Variants in ASRGL1 observed in about 807,000 individuals in gnomAD.
ASRGL1 encodes the protein isoaspartyl peptidase/L-asparaginase.
In ASRGL1, 16 loss-of-function variants were observed where a neutral mutation model predicts 22.4. That is an observed-to-expected ratio of 0.71 (90% CI 0.48 to 1.08). The LOEUF (loss-of-function observed/expected upper bound fraction) is 1.08. Among genes scored for constraint, ASRGL1 ranks in the 50% least tolerant of loss-of-function variants. ASRGL1 has a pLI of 0.00. For synonymous variants in ASRGL1, 165 were observed against 159.3 expected, an observed-to-expected ratio of 1.04 and a Z score of -0.27; for missense variants, 412 against 410.1, an observed-to-expected ratio of 1.00 and a Z score of -0.04.
chr11:62,363,981 AC>A (rs1156832999), intron 4 of ASRGL1, among the ~76,000 whole-genome samples: 1 of 151,946 alleles, frequency 6.6e-6, no homozygotes, highest in Non-Finnish European at 1.5e-5. Context: ...ACATGGTGAA[AC>A]CACGTCTCTA....
Position 62,353,343 on chromosome 11 carries a change from CTTT to C in ASRGL1, c.191-2968_191-2966del, listed in dbSNP as rs35136967. ...AGTTCATTGAAGCATTTTTATGATG[CTTT>C]TTTTTTTTTTTTTAAAGGGACAGGG... On this transcript the variant is annotated intron_variant, in intron 2 of 6. Coordinates refer to ENST00000415229, the MANE Select transcript of ASRGL1 (RefSeq NM_001083926.2). Among the ~76,000 whole-genome samples the C allele has an allele frequency of 2.9e-5, 4 of 135,938 alleles. No individual in the cohort carries two copies. The East Asian group carries it at 6.4e-4, about 22-fold the overall frequency. 89.2% of individuals were successfully genotyped at this position (135,938 alleles called of 152,430 possible).
At chr11:62,358,371 GAAAAAA>G (rs34743439) in intron 4 of ASRGL1, among the ~76,000 whole-genome samples, 21 of 111,844 alleles carry the variant, frequency 1.9e-4, no homozygotes, top group Non-Finnish European at 2.9e-4. Flanking sequence ...CTCCGTCTCA[GAAAAAA>G]AAAAAAAAAA....
chr11:62,378,439 G>GCTTCA lies in ASRGL1; in HGVS notation c.492-10694_492-10693insCTTCA, dbSNP rs1197230531. Among the ~76,000 whole-genome samples the GCTTCA allele has an allele frequency of 3.1e-3, 468 of 152,226 alleles. 2 individuals carry two copies. The highest frequency in any genetic ancestry group is 0.01 in the African/African-American group (434 of 41,490). Reference sequence around the variant, plus strand: ...AGTTGGACTATTAAGCATTCCCTGAGGTAACACTTTCCACTGAAATCTGGT... The same window carrying GCTTCA: ...AGTTGGACTATTAAGCATTCCCTGAGCTTCAGTAACACTTTCCACTGAAATCTGGT... On this transcript the variant is annotated intron_variant, in intron 4 of 6. Coordinates refer to ENST00000415229, the MANE Select transcript of ASRGL1 (RefSeq NM_001083926.2).
Position 62,389,174 on chromosome 11 carries a change from G to T in ASRGL1, c.533G>T (p.Gly178Val). Residue 178 changes from glycine to valine, a missense_variant, in exon 5 of 7, where the codon GGG becomes GTG. Transcript: ENST00000415229. ...TVGAVALDCK[G>V]NVAYATSTGG... ...GGTGCTGTTGCCTTGGACTGCAAAG[G>T]GAATGTAGCCTACGCAACCTCCACA... 1 of 1,614,062 alleles carries T rather than the reference G, an allele frequency of 6.2e-7. No homozygotes were observed. Among genetic ancestry groups the T allele is most frequent in the Non-Finnish European group, 8.5e-7 (1 of 1,180,010 alleles).
chr11:62,379,002 AT>A (rs1946998599), intron 4 of ASRGL1, among the ~76,000 whole-genome samples: 1 of 151,874 alleles, frequency 6.6e-6, no homozygotes, highest in Non-Finnish European at 1.5e-5. Context: ...ATTAGTCATG[AT>A]TTTTTGACTC....
intron 4 of ASRGL1, among the ~76,000 whole-genome samples, chr11:62,367,997 G>A (rs1325848327): frequency 6.6e-6 from 1 of 151,930 alleles, no homozygotes; most frequent in Non-Finnish European, 1.5e-5. Context: ...TTTCTGGCAG[G>A]TGGATTACTT....
intron 4 of ASRGL1, among the ~76,000 whole-genome samples, chr11:62,362,608 ATATATATTATAT>A (rs1946484441): frequency 3.3e-5 from 1 of 30,136 alleles, no homozygotes; most frequent in Non-Finnish European, 6.8e-5. Context: ...ATTATATAAA[ATATATATTATAT>A]ATTATATAAA....
chr11:62,394,318 A>G (rs1236695219), downstream of ASRGL1, among the ~76,000 whole-genome samples: 2 of 139,324 alleles, frequency 1.4e-5, no homozygotes, highest in Non-Finnish European at 3.1e-5. Flanking sequence ...AAAATATATG[A>G]TATATAATTT....
At position 62,362,684 on chromosome 11, in the gene ASRGL1, A is replaced by T. The variant is rs1198257451; in HGVS notation, c.491+5540A>T. Among the ~76,000 whole-genome samples the T allele has an allele frequency of 6.1e-3, 502 of 82,372 alleles. 32 individuals carry two copies. Among genetic ancestry groups the T allele is most frequent in the African/African-American group, 0.025 (485 of 19,594 alleles). The allele number at this position is 82,372 out of a possible 152,430, so 54.0% of individuals were successfully genotyped here. ...TAAAATATATAATATATATTATATA[A>T]AATATATATTATATATTATATAAAA... On this transcript the variant is annotated intron_variant, in intron 4 of 6. Transcript: ENST00000415229.
intron 4 of ASRGL1, chr11:62,373,003 A>T (rs1946815479): frequency 7.2e-7 from 1 of 1,389,470 alleles, no homozygotes. Flanking sequence ...GGCTACAGGG[A>T]TCACAAGCCC....
Position 62,388,376 on chromosome 11 carries a change from C to T in ASRGL1, c.492-757C>T, listed in dbSNP as rs11827263. 3.8e-3 allele frequency among the ~76,000 whole-genome samples: 572 copies of T among 152,194 alleles called. 1 individual carries two copies. Among genetic ancestry groups the T allele is most frequent in the African/African-American group, 0.013 (527 of 41,530 alleles). On this transcript the variant is annotated intron_variant, in intron 4 of 6. Coordinates refer to ENST00000415229, the MANE Select transcript of ASRGL1 (RefSeq NM_001083926.2). ...GCGACACCCGGGAGGTTGTCAGAAA[C>T]GCAGGATCAGCCAGGCACAGTGGCT...
chr11:62,395,759 CT>C (rs564952668), downstream of ASRGL1, among the ~76,000 whole-genome samples: 276 of 71,904 alleles, frequency 3.8e-3, no homozygotes, highest in African/African-American at 0.012. Flanking sequence ...GTAGCTGTTT[CT>C]TTTTTTTTTT....
rs540312636 is a variant in ASRGL1 at position 62,360,536 on chromosome 11, A to G, written c.491+3392A>G. The stretch of plus-strand genomic sequence containing the variant: ...AATGAAAAAGAAAGTAAAAATCTTC[A>G]AAGAAGCAGGCTGCTTGCATTTTCC... On this transcript the variant is annotated intron_variant, in intron 4 of 6. Transcript: ENST00000415229. Among the ~76,000 whole-genome samples the G allele has an allele frequency of 2.6e-5, 4 of 152,314 alleles. No individual in the cohort carries two copies. The East Asian group carries it at 7.7e-4, about 29-fold the overall frequency.
At chr11:62,368,911 C>T (rs1439536707) in intron 4 of ASRGL1, among the ~76,000 whole-genome samples, 1 of 152,192 alleles carries the variant, frequency 6.6e-6, no homozygotes, top group African/African-American at 2.4e-5. Context: ...ATAGAACATA[C>T]AATCGGGTTT....
At chr11:62,341,087 C>A (rs932681762) in intron 2 of ASRGL1, among the ~76,000 whole-genome samples, 7 of 152,112 alleles carry the variant, frequency 4.6e-5, no homozygotes, top group Non-Finnish European at 1.0e-4. Flanking sequence ...AGATTGGCAA[C>A]CAAATGACCA....
intron 4 of ASRGL1, among the ~76,000 whole-genome samples, chr11:62,362,670 A>ATATATATTATATAAAATATATAT (rs1565162441): frequency 3.0e-5 from 1 of 33,414 alleles, no homozygotes; most frequent in Non-Finnish European, 6.6e-5. Context: ...AAAATATATA[A>ATATATATTATATAAAATATATAT]TATATATTAT....
chr11:62,375,302 G>A (rs1332867549), intron 4 of ASRGL1, among the ~76,000 whole-genome samples: 9 of 151,544 alleles, frequency 5.9e-5, no homozygotes, highest in African/African-American at 2.2e-4. Context: ...GCACATCCCT[G>A]CGAGCATCTG....
rs745564468 is a variant in ASRGL1, at chr11:62,356,363, A to G, written c.229A>G (p.Met77Val). The G allele has an allele frequency of 1.2e-6, 2 of 1,614,228 alleles. No individual in the cohort carries two copies. The highest frequency in any genetic ancestry group is 1.1e-5 in the South Asian group (1 of 91,088). ...SVLNTNGEVE[M>V]DASIMDGKDL... ...CTTGAACACAAATGGTGAGGTTGAA[A>G]TGGATGCTAGTATCATGGATGGAAA... Residue 77 changes from methionine (M) to valine (V), a missense_variant, in exon 3 of 7, where the codon ATG becomes GTG. Transcript: ENST00000415229.
chr11:62,395,867 A>T (rs995713376), downstream of ASRGL1, among the ~76,000 whole-genome samples: 9 of 141,272 alleles, frequency 6.4e-5, no homozygotes, highest in African/African-American at 2.4e-4. Flanking sequence ...CACCTCCCAG[A>T]TTCAAGCAAT....
Sources: allele counts gnomAD v4.1 joint callset (sites outside exome capture counted in the v4.1 genomes callset), GRCh38; gene constraint gnomAD v4.1.1; transcripts MANE v1.5; gene names NCBI Gene and HGNC (gene_info 2026-07-23, HGNC 2026-07-21).